Variants in ZNF536 observed in about 807,000 individuals in gnomAD.
ZNF536 encodes zinc finger protein 536.
Under a neutral mutation model 84.5 loss-of-function variants are expected in ZNF536, and 13 were observed. The ratio of observed to expected loss-of-function variants is 0.15; its 90% CI spans 0.10 to 0.24. The LOEUF (loss-of-function observed/expected upper bound fraction) is 0.24, where lower values mean the gene tolerates loss of function less well. Ranked by LOEUF, ZNF536 falls within the 10% of genes least tolerant of loss-of-function variation. ZNF536 has a pLI of 1.00. For synonymous variants in ZNF536, 811 were observed against 742.5 expected (o/e 1.09, Z -1.50); for missense variants, 1,536 against 1,747.5 (o/e 0.88, Z 2.16).
Position 30,240,298 on chromosome 19 carries a change from G to A in ZNF536, c.-190+11625G>A, listed in dbSNP as rs186308655. 1.1e-3 allele frequency among the ~76,000 whole-genome samples: 170 copies of A among 152,128 alleles called. 1 individual carries two copies. Among genetic ancestry groups the A allele is most frequent in the African/African-American group, 3.8e-3 (158 of 41,508 alleles). On this transcript the variant is annotated intron_variant, in intron 1 of 5. Coordinates refer to the ZNF536 transcript ENST00000585628. ...TGGGGCAGGAGAATTGCTCAAACCC[G>A]GGAGGCAGAGGTTGCAGTGAGCCAA...
chr19:30,225,695 G>C (rs2022575055), upstream of ZNF536, among the ~76,000 whole-genome samples: 1 of 145,172 alleles, frequency 6.9e-6, no homozygotes, highest in African/African-American at 2.5e-5. Flanking sequence ...GGTGGGGGGG[G>C]GATCGCGGGG....
At chr19:30,353,110 A>G (rs865969142) in intron 3 of ZNF536, among the ~76,000 whole-genome samples, 2 of 152,232 alleles carry the variant, frequency 1.3e-5, no homozygotes, top group African/African-American at 4.8e-5. Context: ...CCTCAGGTAG[A>G]CATCAAGGCC....
At chr19:30,605,298 C>G (rs1358483594) in intron 1 of ZNF536, among the ~76,000 whole-genome samples, 2 of 152,006 alleles carry the variant, frequency 1.3e-5, no homozygotes, top group African/African-American at 4.8e-5. Flanking sequence ...AGCAGAGTAC[C>G]CCATACCCAA....
At chr19:30,344,369 G>A (rs1046450894) in intron 2 of ZNF536, among the ~76,000 whole-genome samples, 5 of 120,036 alleles carry the variant, frequency 4.2e-5, no homozygotes, top group Admixed American at 8.9e-5. Context: ...GAACCCGGGA[G>A]GCGGAGGTTG....
intron 2 of ZNF536, among the ~76,000 whole-genome samples, chr19:30,452,928 C>T (rs942773250): frequency 6.7e-5 from 9 of 133,998 alleles, no homozygotes; most frequent in Middle Eastern, 8.9e-3. Context: ...GGGGGCTGAG[C>T]GAGGCTTGCA....
intron 1 of ZNF536, among the ~76,000 whole-genome samples, chr19:30,379,200 G>C (rs534493501): frequency 6.6e-6 from 1 of 152,360 alleles, no homozygotes; most frequent in East Asian, 1.9e-4. Flanking sequence ...ACCGTGGGAA[G>C]GTTTGAGTAA....
intron 1 of ZNF536, among the ~76,000 whole-genome samples, chr19:30,581,756 T>C (rs1246039511): frequency 2.0e-5 from 3 of 151,846 alleles, no homozygotes; most frequent in Non-Finnish European, 4.4e-5. Flanking sequence ...GCCAACATGG[T>C]GAAACCCCAT....
At chr19:30,477,112 C>T (rs1276081313) in intron 2 of ZNF536, among the ~76,000 whole-genome samples, 1 of 152,192 alleles carries the variant, frequency 6.6e-6, no homozygotes, top group Non-Finnish European at 1.5e-5. Flanking sequence ...TTAAGGTCCA[C>T]TTGTCTTTAC....
At chr19:30,415,801 A>C (rs1037464696) in intron 1 of ZNF536, among the ~76,000 whole-genome samples, 1 of 152,198 alleles carries the variant, frequency 6.6e-6, no homozygotes, top group East Asian at 1.9e-4. Flanking sequence ...TAGTAGAGAC[A>C]GGGTTTCACC....
At chr19:30,464,129 G>C (rs948399673) in intron 2 of ZNF536, among the ~76,000 whole-genome samples, 3 of 152,190 alleles carry the variant, frequency 2.0e-5, no homozygotes, top group Non-Finnish European at 4.4e-5. Flanking sequence ...TCTGCGGAGT[G>C]TTTAAGGCCT....
chr19:30,659,352 G>A (rs1403125444), intron 1 of ZNF536, among the ~76,000 whole-genome samples: 1 of 152,070 alleles, frequency 6.6e-6, no homozygotes, highest in East Asian at 1.9e-4. Flanking sequence ...GATCTCGTGA[G>A]CACTCACTCT....
downstream of ZNF536, among the ~76,000 whole-genome samples, chr19:30,560,947 C>A (rs1297544341): frequency 4.6e-5 from 7 of 152,256 alleles, no homozygotes; most frequent in Admixed American, 4.6e-4. Flanking sequence ...TTGGGGAACT[C>A]TGCACAGCTA....
intron 1 of ZNF536, among the ~76,000 whole-genome samples, chr19:30,704,518 G>T (rs1222162562): frequency 1.3e-5 from 2 of 151,908 alleles, no homozygotes; most frequent in African/African-American, 4.8e-5. Flanking sequence ...ATGGTAGCAG[G>T]CACCTGTAAT....
chr19:30,698,067 G>A (rs562342877), intron 1 of ZNF536, among the ~76,000 whole-genome samples: 234 of 152,300 alleles, frequency 1.5e-3, no homozygotes, highest in African/African-American at 5.3e-3. Context: ...CATGGCAGGC[G>A]GATCACCTGA....
intron 2 of ZNF536, among the ~76,000 whole-genome samples, chr19:30,495,571 C>T (rs2054685457): frequency 6.6e-6 from 1 of 152,182 alleles, no homozygotes; most frequent in Non-Finnish European, 1.5e-5. Context: ...GGAGAGATAG[C>T]AGGCAAATAC....
intron 1 of ZNF536, among the ~76,000 whole-genome samples, chr19:30,439,458 G>A (rs1366998364): frequency 6.6e-6 from 1 of 152,204 alleles, no homozygotes; most frequent in Non-Finnish European, 1.5e-5. Flanking sequence ...CGGGCCTGGG[G>A]CCAGCTTGTC....
At chr19:30,415,717 T>C (rs1002808018) in intron 1 of ZNF536, among the ~76,000 whole-genome samples, 2 of 152,112 alleles carry the variant, frequency 1.3e-5, no homozygotes, top group African/African-American at 2.4e-5. Context: ...TTCACACCAT[T>C]CTCCTGCCTC....
At chr19:30,706,261 G>T (rs1297975430) in intron 1 of ZNF536, among the ~76,000 whole-genome samples, 1 of 152,172 alleles carries the variant, frequency 6.6e-6, no homozygotes, top group Non-Finnish European at 1.5e-5. Flanking sequence ...GAGGCGGGTG[G>T]ATCACGAGGT....
chr19:30,528,474 T>C (rs2044678394), intron 2 of ZNF536, among the ~76,000 whole-genome samples: 1 of 152,200 alleles, frequency 6.6e-6, no homozygotes, highest in Non-Finnish European at 1.5e-5. Context: ...ACTTCACCAG[T>C]AGAGGATTGA....
Sources: allele counts gnomAD v4.1 joint callset (sites outside exome capture counted in the v4.1 genomes callset), GRCh38; gene constraint gnomAD v4.1.1; transcripts MANE v1.5; gene names NCBI Gene and HGNC (gene_info 2026-07-23, HGNC 2026-07-21).